The following KCNJ16 variants were observed in gnomAD, a reference collection of about 807,000 sequenced individuals.
The protein encoded by KCNJ16 is potassium inwardly rectifying channel subfamily J member 16, also known as inward rectifier potassium channel 16.
Under a neutral mutation model 18.5 loss-of-function variants are expected in KCNJ16, and 15 were observed. The ratio of observed to expected loss-of-function variants is 0.81; its 90% CI spans 0.54 to 1.25. KCNJ16 has a LOEUF of 1.25. Among genes scored for constraint, KCNJ16 ranks in the 50% most tolerant of loss-of-function variants. The pLI, the probability that KCNJ16 is intolerant of heterozygous loss-of-function variation, is 0.00. For synonymous variants in KCNJ16, 174 were observed against 186.5 expected, an observed-to-expected ratio of 0.93 and a Z score of 0.55; for missense variants, 523 against 525.7, an observed-to-expected ratio of 0.99 and a Z score of 0.05.
intron 2 of KCNJ16, among the ~76,000 whole-genome samples, chr17:70,116,021 A>T (rs1372289847): frequency 6.6e-6 from 1 of 152,152 alleles, no homozygotes; most frequent in Non-Finnish European, 1.5e-5. Context: ...TTAACTGAAA[A>T]CACCTTTTTT....
At chr17:70,094,478 G>T (rs370323907) in intron 1 of KCNJ16, among the ~76,000 whole-genome samples, 4 of 152,212 alleles carry the variant, frequency 2.6e-5, no homozygotes, top group South Asian at 4.1e-4. Flanking sequence ...TGTAAAAGTT[G>T]AAAGAACTTG....
chr17:70,115,907 TG>T (rs942048012), intron 2 of KCNJ16, among the ~76,000 whole-genome samples: 3 of 152,226 alleles, frequency 2.0e-5, no homozygotes, highest in Non-Finnish European at 4.4e-5. Flanking sequence ...TCTGCCTTGC[TG>T]GGCTATTTAT....
At chr17:70,107,270 G>A (rs1331841206) in intron 2 of KCNJ16, among the ~76,000 whole-genome samples, 1 of 152,142 alleles carries the variant, frequency 6.6e-6, no homozygotes, top group Non-Finnish European at 1.5e-5. Context: ...TAAAGGTACT[G>A]TTTTGTTTGC....
At chr17:70,124,562 C>T (rs1341993577) in intron 2 of KCNJ16, among the ~76,000 whole-genome samples, 1 of 152,162 alleles carries the variant, frequency 6.6e-6, no homozygotes, top group African/African-American at 2.4e-5. Flanking sequence ...TTTACAGGAA[C>T]ATCAGATCTC....
chr17:70,094,451 T>C (rs2072260198), intron 1 of KCNJ16, among the ~76,000 whole-genome samples: 1 of 152,146 alleles, frequency 6.6e-6, no homozygotes, highest in South Asian at 2.1e-4. Flanking sequence ...AGTGTTGCAA[T>C]TAGAAATTTG....
intron 1 of KCNJ16, among the ~76,000 whole-genome samples, chr17:70,092,676 C>T (rs1043147553): frequency 6.6e-6 from 1 of 152,124 alleles, no homozygotes; most frequent in Non-Finnish European, 1.5e-5. Context: ...AATATGCCAT[C>T]TGCAGCTGGA....
intron 2 of KCNJ16, among the ~76,000 whole-genome samples, chr17:70,114,748 T>A (rs1043963106): frequency 1.3e-5 from 2 of 152,144 alleles, no homozygotes; most frequent in Admixed American, 1.3e-4. Context: ...GTCTGGGAAA[T>A]TGCCAATTTT....
Position 70,096,083 on chromosome 17 carries a change from C to T in KCNJ16, c.-299-4575C>T, listed in dbSNP as rs576133446. 1.2e-3 allele frequency among the ~76,000 whole-genome samples: 177 copies of T among 152,014 alleles called. 1 individual carries two copies. Among genetic ancestry groups the T allele is most frequent in the Non-Finnish European group, 1.8e-3 (125 of 67,980 alleles). On this transcript the variant is annotated intron_variant, in intron 1 of 3. Transcript: ENST00000392671. ...ATTTTTGAGTAGAGACGGGGTTTCG[C>T]TGTGTTAGCCAGGATGGTCTTGATC...
chr17:70,119,869 T>G (rs1315255221), intron 2 of KCNJ16, among the ~76,000 whole-genome samples: 1 of 152,218 alleles, frequency 6.6e-6, no homozygotes. Flanking sequence ...TAGCAAGTGG[T>G]TGCTCCACAG....
At chr17:70,083,273 G>A (rs907402838) in intron 1 of KCNJ16, among the ~76,000 whole-genome samples, 7 of 148,806 alleles carry the variant, frequency 4.7e-5, no homozygotes, top group African/African-American at 1.7e-4. Flanking sequence ...CCAAAACTGT[G>A]TGTATATATA....
At chr17:70,101,047 T>C (rs985619841) in intron 2 of KCNJ16, 2 of 152,228 alleles carry the variant, frequency 1.3e-5, no homozygotes, top group South Asian at 2.1e-4. Flanking sequence ...CCACAGTCTA[T>C]TATACATTCT....
At position 70,132,386 on chromosome 17, in the gene KCNJ16, G is replaced by A; in HGVS notation, c.299G>A (p.Gly100Asp). The change falls in exon 4 of 4, where the codon GGC (glycine) becomes GAC (aspartate). Residue 100 changes from glycine (G) to aspartate (D), a missense_variant. Gly to Asp is a moderately conservative substitution (Grantham distance 94, BLOSUM62 -1). Coordinates refer to ENST00000392671, the MANE Select transcript of KCNJ16 (RefSeq NM_170741.4). ...SVFWLIAFHH[G>D]DLLNDPDITP... ...TTTTGGCTCATAGCCTTTCATCATG[G>A]CGATCTATTAAATGATCCAGACATC... The A allele has an allele frequency of 1.9e-6, 3 of 1,614,104 alleles. No individual in the cohort carries two copies. In the South Asian group the frequency reaches 3.3e-5, roughly 18 times the overall value.
At chr17:70,096,719 G>A (rs2072390633) in intron 1 of KCNJ16, 1 of 372,992 alleles carries the variant, frequency 2.7e-6, no homozygotes. Flanking sequence ...ATAATCAGGT[G>A]ATAACAACCT....
chr17:70,129,256 C>T lies in KCNJ16; in HGVS notation c.-190-1623C>T, dbSNP rs187463473. Among the ~76,000 whole-genome samples, 10 of 152,140 alleles carry T rather than the reference C, an allele frequency of 6.6e-5. No individual in the cohort carries two copies. The East Asian group carries it at 1.9e-3, about 29-fold the overall frequency. On this transcript the variant is annotated intron_variant, in intron 2 of 3. Transcript: ENST00000392671. ...GGCGACAAGAAAATTACGAAAGCAT[C>T]GAAGCACTTTTAAGGCTGAGTTTTA... is the stretch of plus-strand genomic sequence containing the variant.
At chr17:70,090,653 ACCG>A (rs1206709115) in intron 1 of KCNJ16, among the ~76,000 whole-genome samples, 40 of 151,732 alleles carry the variant, frequency 2.6e-4, no homozygotes, top group Middle Eastern at 3.4e-3. Context: ...AGTGCACAAT[ACCG>A]CTAACCCACT....
intron 1 of KCNJ16, chr17:70,096,946 G>C (rs1398785276): frequency 2.0e-5 from 8 of 398,222 alleles, no homozygotes; most frequent in Non-Finnish European, 3.1e-5. Flanking sequence ...ACAGCCAACT[G>C]AAGAGGTAAC....
At position 70,122,457 on chromosome 17, in the gene KCNJ16, G is replaced by A. The variant is rs139899710; in HGVS notation, c.-190-8422G>A. Among the ~76,000 whole-genome samples the A allele has an allele frequency of 4.3e-3, 654 of 152,276 alleles. 11 individuals carry two copies. The highest frequency in any genetic ancestry group is 0.015 in the African/African-American group (620 of 41,554). ...CTCCCAAAGTGCTGGAATTACAGGCGTGAGTCACCACGCCTGGCCAGAATA... is the reference window on the plus strand; with the variant it reads ...CTCCCAAAGTGCTGGAATTACAGGCATGAGTCACCACGCCTGGCCAGAATA... On this transcript the variant is annotated intron_variant, in intron 2 of 3. Transcript: ENST00000392671.
intron 1 of KCNJ16, among the ~76,000 whole-genome samples, chr17:70,077,258 A>G (rs2071355673): frequency 6.6e-6 from 1 of 152,208 alleles, no homozygotes; most frequent in South Asian, 2.1e-4. Context: ...AGTGTCAGAG[A>G]AGGTTTTTGA....
intron 2 of KCNJ16, among the ~76,000 whole-genome samples, chr17:70,110,460 C>T (rs942077895): frequency 6.9e-6 from 1 of 145,368 alleles, no homozygotes; most frequent in Non-Finnish European, 1.5e-5. Flanking sequence ...ACCAGACTTA[C>T]ACACCTACAC....
Sources: allele counts gnomAD v4.1 joint callset (sites outside exome capture counted in the v4.1 genomes callset), GRCh38; gene constraint gnomAD v4.1.1; transcripts MANE v1.5; gene names NCBI Gene and HGNC (gene_info 2026-07-23, HGNC 2026-07-21).